Variants in GRAMD1B observed in about 807,000 individuals in gnomAD.
GRAMD1B encodes the protein protein Aster-B.
A neutral mutation model predicts 99.7 loss-of-function variants in GRAMD1B; 37 were observed. That is an observed-to-expected ratio of 0.37 (90% CI 0.29 to 0.49). GRAMD1B has a LOEUF of 0.49. GRAMD1B is among the 20% of genes least tolerant of loss of function. The pLI, the probability that GRAMD1B is intolerant of heterozygous loss-of-function variation, is 0.98. For synonymous variants in GRAMD1B, 427 were observed against 387.6 expected (o/e 1.10, Z -1.19); for missense variants, 888 against 1,009.2 (o/e 0.88, Z 1.63).
chr11:123,376,050 G>A (rs918802965), intron 1 of GRAMD1B, among the ~76,000 whole-genome samples: 5 of 151,910 alleles, frequency 3.3e-5, no homozygotes, highest in African/African-American at 1.2e-4. Flanking sequence ...ACGCACACTT[G>A]GCTGGAGTAT....
rs367794175 is a variant in GRAMD1B at position 123,383,739 on chromosome 11, A to G, written c.-176+24940A>G. ...ATGTTAACAAAGAAACCTCTCTCCC[A>G]ACCTAAATTCTTCTCTAGCTTCTAT... is the stretch of plus-strand genomic sequence containing the variant. On this transcript the variant is annotated intron_variant, in intron 1 of 20. Transcript: ENST00000638157. Among the ~76,000 whole-genome samples the G allele has an allele frequency of 2.6e-5, 4 of 151,662 alleles. No homozygotes were observed. In the East Asian group the frequency reaches 7.7e-4, roughly 29 times the overall value.
Position 123,577,437 on chromosome 11 carries a change from A to C in GRAMD1B, c.523A>C (p.Thr175Pro). The change falls in exon 3 of 20, where the codon ACC becomes CCC. Residue 175 changes from threonine to proline, a missense_variant. Physicochemically the swap from Thr to Pro is conservative, Grantham distance 38. Coordinates refer to ENST00000635736, the MANE Select transcript of GRAMD1B (RefSeq NM_001387025.1). ...CCTCCGGAAGCGGTCTCGCTCGCCA[A>C]CCCCGCAGAACCAGGACGGAGACAC... ...PILRKRSRSP[T>P]PQNQDGDTMV... is the part of the protein sequence containing the mutation. The C allele has an allele frequency of 2.5e-6, 4 of 1,602,386 alleles. No individual in the cohort carries two copies.
intron 2 of GRAMD1B, among the ~76,000 whole-genome samples, chr11:123,527,591 T>C (rs1406980672): frequency 6.6e-6 from 1 of 152,122 alleles, no homozygotes; most frequent in Non-Finnish European, 1.5e-5. Flanking sequence ...GGGAGGCTAT[T>C]AGCAGTGTTT....
At chr11:123,505,938 C>T (rs1940382607) in intron 2 of GRAMD1B, among the ~76,000 whole-genome samples, 3 of 152,162 alleles carry the variant, frequency 2.0e-5, no homozygotes, top group South Asian at 2.1e-4. Flanking sequence ...TCAAGGTCTT[C>T]CTTATTTCAA....
chr11:123,478,977 C>T (rs1951443769), intron 1 of GRAMD1B, among the ~76,000 whole-genome samples: 2 of 152,162 alleles, frequency 1.3e-5, no homozygotes, highest in African/African-American at 2.4e-5. Flanking sequence ...AGGCCAGTTC[C>T]AAGTAAGACA....
chr11:123,530,263 T>C (rs1943218235), intron 2 of GRAMD1B, among the ~76,000 whole-genome samples: 1 of 151,984 alleles, frequency 6.6e-6, no homozygotes, highest in African/African-American at 2.4e-5. Context: ...TTTTATTTGA[T>C]AGTAAATGTC....
chr11:123,461,498 A>G (rs1040067269), intron 1 of GRAMD1B, among the ~76,000 whole-genome samples: 4 of 152,218 alleles, frequency 2.6e-5, no homozygotes, highest in Admixed American at 2.6e-4. Flanking sequence ...CCCTGGCTCT[A>G]GCTCTGGGAA....
intron 4 of GRAMD1B, among the ~76,000 whole-genome samples, chr11:123,589,014 T>C (rs1950349638): frequency 6.6e-6 from 1 of 152,002 alleles, no homozygotes; most frequent in Admixed American, 6.6e-5. Context: ...ATATTTTAAA[T>C]AATTTTATGC....
chr11:123,456,039 C>T (rs1239195257), intron 1 of GRAMD1B, among the ~76,000 whole-genome samples: 3 of 152,052 alleles, frequency 2.0e-5, no homozygotes, highest in Non-Finnish European at 2.9e-5. Context: ...GGTGTGGTGG[C>T]ACACACCTGT....
In GRAMD1B at chr11:123,605,384, T is replaced by C; in HGVS notation, c.1229T>C (p.Ile410Thr). The C allele has an allele frequency of 1.2e-6, 2 of 1,613,126 alleles. No homozygotes were observed. Among genetic ancestry groups the C allele is most frequent in the Non-Finnish European group, 1.7e-6 (2 of 1,179,336 alleles). The part of the protein sequence containing the change: ...EVNDSSSKSS[I>T]ETKPDASPQL... Reference sequence around the variant, plus strand: ...AATGACAGCTCATCCAAGAGCAGCATAGAGACCAAGCCAGATGCCAGTCCA... The same window carrying C: ...AATGACAGCTCATCCAAGAGCAGCACAGAGACCAAGCCAGATGCCAGTCCA... Residue 410 changes from isoleucine to threonine, a missense_variant, in exon 10 of 20, where the codon ATA (isoleucine) becomes ACA (threonine). By Grantham distance (89) the Ile-to-Thr change is moderately conservative. Around this residue, in one of 5 missense-constraint regions of GRAMD1B, gnomAD observed 269 missense variants for 296.6 expected, o/e 0.91. Coordinates refer to ENST00000635736, the MANE Select transcript of GRAMD1B (RefSeq NM_001387025.1).
At chr11:123,618,611 C>T (rs1954749251) in intron 17 of GRAMD1B, 82 bp from the exon 18 acceptor site, 6 of 867,362 alleles carry the variant, frequency 6.9e-6, no homozygotes, top group Middle Eastern at 2.2e-4. Flanking sequence ...CGGTCAGGGA[C>T]AGCAGCCTCT....
chr11:123,414,039 T>G (rs973126591), intron 1 of GRAMD1B, among the ~76,000 whole-genome samples: 5 of 148,684 alleles, frequency 3.4e-5, no homozygotes, highest in Non-Finnish European at 7.4e-5. Flanking sequence ...AAATCCATCA[T>G]CATCATCATT....
intron 2 of GRAMD1B, chr11:123,526,236 C>A: frequency 7.2e-7 from 1 of 1,397,698 alleles, no homozygotes; most frequent in Non-Finnish European, 1.0e-6. Flanking sequence ...CTCGCCCCAG[C>A]ACCCTCAAGA....
chr11:123,451,981 G>A (rs898283096), intron 1 of GRAMD1B, among the ~76,000 whole-genome samples: 4 of 152,000 alleles, frequency 2.6e-5, no homozygotes, highest in Admixed American at 1.3e-4. Flanking sequence ...CCACAGGCAC[G>A]TGCCACCATG....
chr11:123,420,814 C>T (rs1948407351), intron 1 of GRAMD1B, among the ~76,000 whole-genome samples: 1 of 152,206 alleles, frequency 6.6e-6, no homozygotes, highest in Non-Finnish European at 1.5e-5. Context: ...AGTTCTTCAT[C>T]TCTCTGAGCC....
In GRAMD1B at chr11:123,609,851, C is replaced by G; in HGVS notation, c.1714C>G (p.Leu572Val). ...GAATGGAAACCAGAGCCGAGTGATTCTTTACACCATCACCCTTACCAACCC... is the reference window on the plus strand; with the variant it reads ...GAATGGAAACCAGAGCCGAGTGATTGTTTACACCATCACCCTTACCAACCC... ...EENGNQSRVI[L>V]YTITLTNPLA... Residue 572 changes from leucine (L) to valine (V), a missense_variant, in exon 13 of 20, where the codon CTT becomes GTT. Leu to Val is a conservative substitution (Grantham distance 32, BLOSUM62 1). Transcript: ENST00000635736. The G allele has an allele frequency of 6.2e-7, 1 of 1,605,358 alleles. No individual in the cohort carries two copies. Among genetic ancestry groups the G allele is most frequent in the Non-Finnish European group, 8.5e-7 (1 of 1,175,796 alleles).
chr11:123,523,543 TA>T (rs35585443), intron 2 of GRAMD1B, among the ~76,000 whole-genome samples: 8 of 149,466 alleles, frequency 5.4e-5, no homozygotes, highest in African/African-American at 1.5e-4. Context: ...TTTTTGTAGT[TA>T]AAAAAAAAAC....
chr11:123,585,590 C>G (rs1949986436), intron 4 of GRAMD1B, among the ~76,000 whole-genome samples: 1 of 152,124 alleles, frequency 6.6e-6, no homozygotes, highest in Non-Finnish European at 1.5e-5. Flanking sequence ...TGAGCCACCC[C>G]CTTACCTTCT....
At chr11:123,479,628 AG>A (rs1158774530) in intron 1 of GRAMD1B, among the ~76,000 whole-genome samples, 3 of 152,200 alleles carry the variant, frequency 2.0e-5, no homozygotes, top group African/African-American at 7.2e-5. Flanking sequence ...TATGTAAAAC[AG>A]GGGTTGGCCA....
Sources: gnomAD v4.1 joint callset for allele counts (sites outside exome capture counted in the v4.1 genomes callset) on GRCh38, gnomAD v4.1.1 for gene constraint, gnomAD v4.1.1 regional missense constraint, MANE v1.5 for transcripts, NCBI Gene and HGNC (gene_info 2026-07-23, HGNC 2026-07-21) for gene names.